Variants in PISD observed in about 807,000 individuals in gnomAD.
PISD encodes the protein phosphatidylserine decarboxylase proenzyme, mitochondrial.
Under a neutral mutation model 43.5 loss-of-function variants are expected in PISD, and 31 were observed. That is an observed-to-expected ratio of 0.71 (90% CI 0.54 to 0.96). The LOEUF (loss-of-function observed/expected upper bound fraction) is 0.96, where lower values mean the gene tolerates loss of function less well. Among genes scored for constraint, PISD ranks in the 40% least tolerant of loss-of-function variants. The pLI, the probability that PISD is intolerant of heterozygous loss-of-function variation, is 0.00. For missense variants in PISD, 523 were observed against 548.4 expected (o/e 0.95, Z 0.46); for synonymous variants, 259 against 228.7 (o/e 1.13, Z -1.20).
chr22:31,629,223 T>C (rs945275247), intron 3 of PISD: 12 of 984,848 alleles, frequency 1.2e-5, no homozygotes, highest in Non-Finnish European at 1.4e-5. Flanking sequence ...GCCTGCAAGA[T>C]TGTTGTGCGT....
At chr22:31,619,964 G>A in intron 7 of PISD, 128 bp from the exon 8 acceptor site, 1 of 663,808 alleles carries the variant, frequency 1.5e-6, no homozygotes, top group Non-Finnish European at 2.6e-6. Flanking sequence ...CTCCAAAAGG[G>A]AGGTGGGGAT....
chr22:31,621,287 GCC>G (rs767517572), intron 5 of PISD, 45 bp downstream of exon 5: 5 of 1,612,036 alleles, frequency 3.1e-6, no homozygotes, highest in Non-Finnish European at 4.2e-6. Flanking sequence ...TCCCGGTCCA[GCC>G]ACACAGCAGC....
At chr22:31,638,441 G>A in intron 3 of PISD, 1 of 984,460 alleles carries the variant, frequency 1.0e-6, no homozygotes, top group Non-Finnish European at 1.2e-6. Flanking sequence ...AAGGGGGGAT[G>A]AAGGGGGATG....
chr22:31,624,275 AG>A (rs1267057892), intron 3 of PISD, among the ~76,000 whole-genome samples: 4 of 152,274 alleles, frequency 2.6e-5, no homozygotes, highest in African/African-American at 7.2e-5. Context: ...GCAGCCCAGG[AG>A]AGTGGGCCCC....
chr22:31,661,579 T>C (rs1301221429), intron 1 of PISD, among the ~76,000 whole-genome samples: 3 of 152,018 alleles, frequency 2.0e-5, no homozygotes, highest in Non-Finnish European at 4.4e-5. Context: ...AGCCTCAATC[T>C]CATTAACTCC....
At chr22:31,621,966 C>T in intron 3 of PISD, 81 bp from the exon 4 acceptor site, 1 of 1,077,330 alleles carries the variant, frequency 9.3e-7, no homozygotes, top group South Asian at 1.3e-5. Context: ...TAGCCCAGCT[C>T]TCACTTCAGG....
At chr22:31,638,575 C>T (rs1601399554) in intron 3 of PISD, 2 of 985,336 alleles carry the variant, frequency 2.0e-6, no homozygotes, top group South Asian at 4.7e-5. Context: ...ACCCGCAGGC[C>T]ACTCCTCCCC....
chr22:31,656,269 A>C (rs1028467154), intron 1 of PISD, among the ~76,000 whole-genome samples: 1 of 151,974 alleles, frequency 6.6e-6, no homozygotes, highest in African/African-American at 2.4e-5. Context: ...GCTTGAACCC[A>C]GGAGGTGGAG....
chr22:31,660,105 G>C (rs1979261327), intron 1 of PISD, among the ~76,000 whole-genome samples: 1 of 152,088 alleles, frequency 6.6e-6, no homozygotes, highest in Non-Finnish European at 1.5e-5. Context: ...TCATTTACAT[G>C]TCTCACAAAT....
chr22:31,662,114 C>A (rs1479168934), intron 1 of PISD, 30 bp downstream of exon 1: 1 of 1,596,674 alleles, frequency 6.3e-7, no homozygotes. Flanking sequence ...TTGCCCCACG[C>A]CCCAAGGTAG....
At chr22:31,658,883 T>G (rs2074248850) in intron 1 of PISD, among the ~76,000 whole-genome samples, 1 of 149,702 alleles carries the variant, frequency 6.7e-6, no homozygotes, top group African/African-American at 2.5e-5. Flanking sequence ...AGACAGGGTC[T>G]CACTCTGTTG....
At chr22:31,625,725 G>A in intron 3 of PISD, 1 of 1,564,258 alleles carries the variant, frequency 6.4e-7, no homozygotes, top group Non-Finnish European at 8.7e-7. Context: ...GTCGTGGCGG[G>A]GAACCGTGGG....
Position 31,630,811 on chromosome 22 carries a change from T to C in PISD, c.322-8926A>G. On this transcript the variant is annotated intron_variant, in intron 3 of 7. Coordinates refer to ENST00000439502, the MANE Select transcript of PISD (RefSeq NM_001326411.2). This position sits in a 1 kb window ranked among gnomAD's most constrained non-coding sequence, Gnocchi z 4.4. The stretch of plus-strand genomic sequence containing the variant: ...CCGGCTCCGCTCACTCACCCGCAGG[T>C]GGCTCCAGCTTCCGGGCTCCGACTC... 2.0e-6 allele frequency: 2 copies of C among 985,464 alleles called. No homozygotes were observed. The highest frequency in any genetic ancestry group is 1.7e-5 in the African/African-American group (1 of 57,346). 61.0% of individuals were successfully genotyped at this position (985,464 alleles called of 1,614,324 possible). A position where few individuals can be genotyped will look rare whatever the true frequency, so the allele number is the denominator to read the frequency against.
In PISD at chr22:31,662,204, G is replaced by A. The variant is rs1352995680; in HGVS notation, c.5C>T (p.Ala2Val). Residue 2 changes from alanine to valine, a missense_variant, in exon 1 of 8, where the codon GCG becomes GTG. Ala to Val is a moderately conservative substitution (Grantham distance 64, BLOSUM62 0). Transcript: ENST00000439502. Reference sequence around the variant, plus strand: ...CAGACATCGGTGCCCCACGGACGTCGCCATCTTGTCTGCTCCTTCTCAGCG... The same window carrying A: ...CAGACATCGGTGCCCCACGGACGTCACCATCTTGTCTGCTCCTTCTCAGCG... M[A>V]TSVGHRCLGL... 2.5e-6 allele frequency: 4 copies of A among 1,603,486 alleles called. No individual in the cohort carries two copies. The highest frequency in any genetic ancestry group is 2.2e-5 in the South Asian group (2 of 91,086).
Position 31,639,258 on chromosome 22 carries a change from G to A in PISD, c.321+8843C>T, listed in dbSNP as rs150994240. Among the ~76,000 whole-genome samples the A allele has an allele frequency of 5.3e-3, 800 of 150,878 alleles. 4 individuals carry two copies. The highest frequency in any genetic ancestry group is 9.0e-3 in the Non-Finnish European group (613 of 67,846). On this transcript the variant is annotated intron_variant, in intron 3 of 7. Transcript: ENST00000439502. ...GCAGTCTCGGCTCACTGCAACCTCC[G>A]CCTGCTGGGTTCAAGTGATTCTCCT...
chr22:31,621,912 G>A (rs762535882), intron 3 of PISD, 27 bp from the exon 4 acceptor site: 5 of 1,543,854 alleles, frequency 3.2e-6, no homozygotes, highest in Non-Finnish European at 4.4e-6. Context: ...AAGGGGCTGA[G>A]TTGACCACAC....
chr22:31,639,020 C>G (rs115836166), intron 3 of PISD, among the ~76,000 whole-genome samples: 3 of 151,342 alleles, frequency 2.0e-5, no homozygotes, highest in African/African-American at 7.3e-5. Flanking sequence ...CCTGAGACAG[C>G]GTCTCGCTCT....
intron 1 of PISD, among the ~76,000 whole-genome samples, chr22:31,655,894 C>G (rs1434688051): frequency 1.3e-5 from 2 of 152,036 alleles, no homozygotes; most frequent in Non-Finnish European, 2.9e-5. Flanking sequence ...ACCTTGGCCT[C>G]CGAAAGTGTT....
chr22:31,624,620 G>A lies in PISD; in HGVS notation c.322-2735C>T, dbSNP rs889377059. ...AAACCTCCCCACCACAAGCTCTCAA[G>A]CCACCTGTCTGCTCTGCTGGGGCTG... On this transcript the variant is annotated intron_variant, in intron 3 of 7. Transcript: ENST00000439502. 5.5e-4 allele frequency among the ~76,000 whole-genome samples: 83 copies of A among 150,958 alleles called. 1 individual carries two copies. Among genetic ancestry groups the A allele is most frequent in the Admixed American group, 5.4e-3 (82 of 15,086 alleles).
Sources: gnomAD v4.1 joint callset for allele counts (sites outside exome capture counted in the v4.1 genomes callset) on GRCh38, gnomAD v4.1.1 for gene constraint, Gnocchi (gnomAD v3.1) non-coding constraint, MANE v1.5 for transcripts, NCBI Gene and HGNC (gene_info 2026-07-23, HGNC 2026-07-21) for gene names.